The following FBXL17 variants were observed in gnomAD, a reference collection of about 807,000 sequenced individuals.
The protein encoded by FBXL17 is F-box and leucine rich repeat protein 17, also known as F-box/LRR-repeat protein 17.
Under a neutral mutation model 66.2 loss-of-function variants are expected in FBXL17, and 22 were observed. That is an observed-to-expected ratio of 0.33 (90% CI 0.24 to 0.47). The LOEUF is 0.47. FBXL17 is among the 20% of genes least tolerant of loss of function. The probability of loss-of-function intolerance (pLI) is 1.00; values close to 1 mark genes in which losing one functional copy is unlikely to be tolerated. For missense variants in FBXL17, 878 were observed against 948.2 expected, an observed-to-expected ratio of 0.93 and a Z score of 0.97; for synonymous variants, 474 against 400.5, an observed-to-expected ratio of 1.18 and a Z score of -2.19.
At chr5:107,872,551 C>T (rs929191898) in intron 8 of FBXL17, among the ~76,000 whole-genome samples, 1 of 152,204 alleles carries the variant, frequency 6.6e-6, no homozygotes, top group Non-Finnish European at 1.5e-5. Context: ...GAAACACAAT[C>T]CAATCTATCC....
intron 6 of FBXL17, among the ~76,000 whole-genome samples, chr5:108,066,822 T>C (rs535803919): frequency 6.6e-6 from 1 of 152,150 alleles, no homozygotes; most frequent in Non-Finnish European, 1.5e-5. Flanking sequence ...TTCTTCGAAA[T>C]ACAATAGATG....
At chr5:108,266,507 A>G (rs1380604558) in intron 4 of FBXL17, among the ~76,000 whole-genome samples, 2 of 152,144 alleles carry the variant, frequency 1.3e-5, no homozygotes, top group Admixed American at 1.3e-4. Flanking sequence ...AGGGTATTGC[A>G]GTGCTTATGT....
chr5:108,192,554 T>G (rs1753508380), intron 5 of FBXL17, among the ~76,000 whole-genome samples: 1 of 152,098 alleles, frequency 6.6e-6, no homozygotes, highest in African/African-American at 2.4e-5. Context: ...ATAAGCTTGG[T>G]GGATTATCGA....
In FBXL17 at chr5:108,076,807, A is replaced by T. The variant is rs1207562982; in HGVS notation, c.1746-55806T>A. On this transcript the variant is annotated intron_variant, in intron 6 of 8. Coordinates refer to ENST00000542267, the MANE Select transcript of FBXL17 (RefSeq NM_001163315.3). ...AAACATTTACCACCTATTCCCTCTGAGGGAGGCTTCATCTACATAATGAAG... is the reference window on the plus strand; with the variant it reads ...AAACATTTACCACCTATTCCCTCTGTGGGAGGCTTCATCTACATAATGAAG... 2.0e-5 allele frequency among the ~76,000 whole-genome samples: 3 copies of T among 152,240 alleles called. No homozygotes were observed. In the East Asian group the frequency reaches 5.8e-4, roughly 29 times the overall value.
chr5:108,317,768 A>T (rs1204856224), intron 4 of FBXL17, among the ~76,000 whole-genome samples: 1 of 151,446 alleles, frequency 6.6e-6, no homozygotes, highest in Non-Finnish European at 1.5e-5. Context: ...CTATCCCAAG[A>T]CCTACATAGA....
At chr5:108,191,633 T>G (rs1753473958) in intron 5 of FBXL17, among the ~76,000 whole-genome samples, 2 of 152,206 alleles carry the variant, frequency 1.3e-5, no homozygotes, top group South Asian at 4.1e-4. Flanking sequence ...TTTATAGACT[T>G]GTGAAAATCC....
chr5:107,970,709 C>G (rs1278463023), intron 7 of FBXL17, among the ~76,000 whole-genome samples: 1 of 152,082 alleles, frequency 6.6e-6, no homozygotes, highest in East Asian at 1.9e-4. Context: ...ATTTATCTTG[C>G]CAGAGTGGAA....
intron 7 of FBXL17, among the ~76,000 whole-genome samples, chr5:107,974,364 C>T: frequency 6.6e-6 from 1 of 152,134 alleles, no homozygotes; most frequent in East Asian, 1.9e-4. Flanking sequence ...TTCTAGACTT[C>T]AAACTAGATA....
intron 4 of FBXL17, among the ~76,000 whole-genome samples, chr5:108,247,580 A>G (rs2150109310): frequency 6.6e-6 from 1 of 152,318 alleles, no homozygotes; most frequent in South Asian, 2.1e-4. Flanking sequence ...AACTTTTTTC[A>G]GATTCCTTTT....
intron 4 of FBXL17, among the ~76,000 whole-genome samples, chr5:108,256,895 G>GT (rs1177266201): frequency 6.6e-6 from 1 of 151,716 alleles, no homozygotes; most frequent in Admixed American, 6.6e-5. Context: ...TTTTAAGCGT[G>GT]TAACAAGAAT....
At chr5:108,197,540 A>T (rs1753727260) in intron 5 of FBXL17, among the ~76,000 whole-genome samples, 1 of 152,170 alleles carries the variant, frequency 6.6e-6, no homozygotes, top group Non-Finnish European at 1.5e-5. Context: ...CTTATTTTTT[A>T]AAGTAGTGAA....
At chr5:108,246,860 T>C (rs989345688) in intron 4 of FBXL17, among the ~76,000 whole-genome samples, 3 of 152,222 alleles carry the variant, frequency 2.0e-5, no homozygotes, top group African/African-American at 7.2e-5. Context: ...GAAAAGCATA[T>C]ATTTGCTCAA....
chr5:107,933,000 G>T (rs1439579628), intron 7 of FBXL17, among the ~76,000 whole-genome samples: 1 of 152,148 alleles, frequency 6.6e-6, no homozygotes, highest in African/African-American at 2.4e-5. Context: ...AAATGGAATT[G>T]TATAGGAAGA....
intron 7 of FBXL17, among the ~76,000 whole-genome samples, chr5:107,927,231 A>G (rs1056408475): frequency 6.6e-6 from 1 of 152,198 alleles, no homozygotes; most frequent in Non-Finnish European, 1.5e-5. Flanking sequence ...TATAAATAAT[A>G]AATGGCCTCT....
chr5:108,157,153 C>A (rs1399149946), intron 6 of FBXL17, among the ~76,000 whole-genome samples: 2 of 148,248 alleles, frequency 1.3e-5, no homozygotes, highest in Non-Finnish European at 1.5e-5. Flanking sequence ...CCAGTTCATG[C>A]ACTCCTATCT....
intron 6 of FBXL17, among the ~76,000 whole-genome samples, chr5:108,117,023 G>C (rs1229084287): frequency 1.3e-5 from 2 of 152,154 alleles, no homozygotes; most frequent in African/African-American, 4.8e-5. Flanking sequence ...AAGAGAATCT[G>C]ACACATTGGG....
chr5:107,974,514 A>C (rs916887074), intron 7 of FBXL17, among the ~76,000 whole-genome samples: 2 of 152,166 alleles, frequency 1.3e-5, no homozygotes, highest in African/African-American at 4.8e-5. Flanking sequence ...TTTCCATCAG[A>C]CAATATTTCT....
chr5:107,937,584 A>G (rs1026381222), intron 7 of FBXL17, among the ~76,000 whole-genome samples: 4 of 152,282 alleles, frequency 2.6e-5, no homozygotes, highest in Middle Eastern at 3.4e-3. Context: ...TTGTCTCTCC[A>G]TTCTAATCAT....
chr5:108,226,398 G>C (rs1755102155), intron 4 of FBXL17, among the ~76,000 whole-genome samples: 2 of 151,864 alleles, frequency 1.3e-5, no homozygotes, highest in South Asian at 4.2e-4. Flanking sequence ...TTTATTTTTA[G>C]ACAAAGGATA....
Sources: gnomAD v4.1 joint callset for allele counts (sites outside exome capture counted in the v4.1 genomes callset) on GRCh38, gnomAD v4.1.1 for gene constraint, MANE v1.5 for transcripts, NCBI Gene and HGNC (gene_info 2026-07-23, HGNC 2026-07-21) for gene names.